KCNQ5: variants seen among roughly 807,000 people sequenced by gnomAD.
KCNQ5 encodes the protein potassium voltage-gated channel subfamily Q member 5, also known as potassium voltage-gated channel subfamily KQT member 5.
In KCNQ5, 30 loss-of-function variants were observed where a neutral mutation model predicts 98.2. That is an observed-to-expected ratio of 0.31 (90% confidence interval 0.23 to 0.41). The LOEUF (loss-of-function observed/expected upper bound fraction) is 0.41. Ranked by LOEUF, KCNQ5 falls within the 10% of genes least tolerant of loss-of-function variation. The pLI is 1.00. For synonymous variants in KCNQ5, 458 were observed against 449.4 expected, an observed-to-expected ratio of 1.02 and a Z score of -0.24; for missense variants, 835 against 1,182.5, an observed-to-expected ratio of 0.71 and a Z score of 4.31.
chr6:72,793,555 G>A (rs533109061), intron 1 of KCNQ5, among the ~76,000 whole-genome samples: 76 of 152,246 alleles, frequency 5.0e-4, no homozygotes, highest in African/African-American at 1.8e-3. Context: ...TTATATTATG[G>A]GGGAGTTGGC....
chr6:73,097,142 CATATATAT>C (rs70994161), intron 5 of KCNQ5, among the ~76,000 whole-genome samples: 1 of 121,858 alleles, frequency 8.2e-6, no homozygotes, highest in South Asian at 3.4e-4. Context: ...CAATAGATCT[CATATATAT>C]ATATATATAC....
rs143174085 is a variant in KCNQ5 at position 72,834,869 on chromosome 6, C to T, written c.399-169039C>T. Among the ~76,000 whole-genome samples the T allele has an allele frequency of 9.2e-5, 14 of 152,132 alleles. No homozygotes were observed. The East Asian group carries it at 2.7e-3, about 29-fold the overall frequency. The stretch of plus-strand genomic sequence containing the variant: ...AGCCAGGAATGATTTTCTTTTGGTT[C>T]CAGGTCCCATGCACTTTATTTCATT... On this transcript the variant is annotated intron_variant, in intron 1 of 13. Coordinates refer to ENST00000370398, the MANE Select transcript of KCNQ5 (RefSeq NM_019842.4).
intron 1 of KCNQ5, among the ~76,000 whole-genome samples, chr6:72,905,715 G>C (rs1170900821): frequency 1.3e-5 from 2 of 152,162 alleles, no homozygotes; most frequent in African/African-American, 4.8e-5. Context: ...GGCTAGTACT[G>C]TGGGTTGTCT....
intron 1 of KCNQ5, among the ~76,000 whole-genome samples, chr6:72,771,449 A>C (rs538742451): frequency 6.6e-6 from 1 of 152,192 alleles, no homozygotes; most frequent in South Asian, 2.1e-4. Flanking sequence ...CCACACCAAC[A>C]CTTGTTATTT....
intron 1 of KCNQ5, among the ~76,000 whole-genome samples, chr6:72,996,498 A>G (rs1769304938): frequency 6.6e-6 from 1 of 152,232 alleles, no homozygotes; most frequent in Non-Finnish European, 1.5e-5. Context: ...CTCCTAGTTA[A>G]AGTAATTCCT....
At chr6:72,999,263 T>G (rs962632615) in intron 1 of KCNQ5, among the ~76,000 whole-genome samples, 2 of 152,230 alleles carry the variant, frequency 1.3e-5, no homozygotes, top group African/African-American at 4.8e-5. Flanking sequence ...GATGATAGTT[T>G]TCTTGAGTAA....
intron 1 of KCNQ5, among the ~76,000 whole-genome samples, chr6:72,913,115 C>T (rs1780006845): frequency 6.6e-6 from 1 of 151,930 alleles, no homozygotes; most frequent in African/African-American, 2.4e-5. Flanking sequence ...ATACATTAAG[C>T]CTAATTTAAT....
At chr6:73,159,988 G>T (rs1396268709) in intron 10 of KCNQ5, among the ~76,000 whole-genome samples, 1 of 137,938 alleles carries the variant, frequency 7.2e-6, no homozygotes, top group African/African-American at 3.1e-5. Flanking sequence ...TTCCGCTATG[G>T]TTTTTTTTGT....
rs546709966 is a variant in KCNQ5, at chr6:73,151,847, A to G, written c.1469-17899A>G. ...CTTGATTCACTCCATTATTTCAGAC[A>G]GTAAAAATCCAATTTTTTTTACATA... On this transcript the variant is annotated intron_variant, in intron 10 of 13. Coordinates refer to ENST00000370398, the MANE Select transcript of KCNQ5 (RefSeq NM_019842.4). 5.9e-5 allele frequency among the ~76,000 whole-genome samples: 9 copies of G among 152,324 alleles called. No homozygotes were observed. The South Asian group carries it at 1.9e-3, about 32-fold the overall frequency.
chr6:73,125,555 G>C (rs755670683), intron 9 of KCNQ5: 1 of 501,174 alleles, frequency 2.0e-6, no homozygotes, highest in Non-Finnish European at 4.0e-6. Context: ...GTGGGCCCAG[G>C]GATTGTTCTT....
At chr6:72,948,458 TCTGTTCCATGAGAGA>T (rs1296778492) in intron 1 of KCNQ5, among the ~76,000 whole-genome samples, 3 of 151,960 alleles carry the variant, frequency 2.0e-5, no homozygotes, top group African/African-American at 4.8e-5. Context: ...TTCCTTTCTC[TCTGTTCCATGAGAGA>T]AAGGAAAAGA....
intron 3 of KCNQ5, among the ~76,000 whole-genome samples, chr6:73,074,344 A>G (rs1275952586): frequency 6.6e-6 from 1 of 152,196 alleles, no homozygotes; most frequent in Non-Finnish European, 1.5e-5. Flanking sequence ...AACCAGAAAC[A>G]TTTTTGTGAC....
intron 1 of KCNQ5, among the ~76,000 whole-genome samples, chr6:72,867,452 T>G (rs1158847268): frequency 7.9e-5 from 12 of 152,224 alleles, no homozygotes; most frequent in Admixed American, 7.2e-4. Context: ...GAAACCAACC[T>G]GCATTAGTGC....
chr6:72,660,011 C>G (rs12111265), intron 1 of KCNQ5, among the ~76,000 whole-genome samples: 1 of 152,012 alleles, frequency 6.6e-6, no homozygotes, highest in African/African-American at 2.4e-5. Context: ...CCGTTCTTGT[C>G]CCTTGTGGGC....
At chr6:73,097,841 G>A (rs938970171) in intron 5 of KCNQ5, among the ~76,000 whole-genome samples, 4 of 152,156 alleles carry the variant, frequency 2.6e-5, no homozygotes, top group African/African-American at 7.2e-5. Context: ...AATGCCTGCA[G>A]TGACCAAAAA....
At chr6:72,794,954 G>A (rs191149121) in intron 1 of KCNQ5, among the ~76,000 whole-genome samples, 185 of 152,226 alleles carry the variant, frequency 1.2e-3, no homozygotes, top group African/African-American at 2.9e-3. Flanking sequence ...AGAAGTCCAA[G>A]GGTATTGCTT....
At chr6:73,184,192 A>T (rs1348641073) in intron 11 of KCNQ5, among the ~76,000 whole-genome samples, 1 of 152,072 alleles carries the variant, frequency 6.6e-6, no homozygotes, top group Non-Finnish European at 1.5e-5. Flanking sequence ...CCTCAAAATG[A>T]TATGTTGTTG....
intron 1 of KCNQ5, among the ~76,000 whole-genome samples, chr6:72,791,787 G>C (rs1282351873): frequency 6.6e-6 from 1 of 152,120 alleles, no homozygotes; most frequent in Non-Finnish European, 1.5e-5. Context: ...ATGTTGGAAG[G>C]CATCACGTAC....
At chr6:72,682,198 A>G (rs973849871) in intron 1 of KCNQ5, among the ~76,000 whole-genome samples, 1 of 152,152 alleles carries the variant, frequency 6.6e-6, no homozygotes, top group African/African-American at 2.4e-5. Context: ...GCACAGTATT[A>G]AAAAAACAAA....
Sources: allele counts gnomAD v4.1 joint callset (sites outside exome capture counted in the v4.1 genomes callset), GRCh38; gene constraint gnomAD v4.1.1; transcripts MANE v1.5; gene names NCBI Gene and HGNC (gene_info 2026-07-23, HGNC 2026-07-21).